The following PDZD2 variants were observed in gnomAD, a reference collection of about 807,000 sequenced individuals.
The protein encoded by PDZD2 is PDZ domain-containing protein 2.
In PDZD2, 90 loss-of-function variants were observed where a neutral mutation model predicts 220.7. The ratio of observed to expected loss-of-function variants is 0.41; its 90% CI spans 0.34 to 0.49. The LOEUF (loss-of-function observed/expected upper bound fraction) is 0.49. Among genes scored for constraint, PDZD2 ranks in the 20% least tolerant of loss-of-function variants. The pLI is 0.28. For synonymous variants in PDZD2, 1,375 were observed against 1,450.5 expected (o/e 0.95, Z 1.18); for missense variants, 3,174 against 3,608.5 (o/e 0.88, Z 3.08).
rs186790475 is a variant in PDZD2, at chr5:32,040,782, G to A, written c.1519+3440G>A. The stretch of plus-strand genomic sequence containing the variant: ...AAGTGAGGAGTGCCTCTGCCCGGCC[G>A]CCACCCCGTCTGGGAAGTGGGGAGC... On this transcript the variant is annotated intron_variant, in intron 7 of 24. Transcript: ENST00000438447. Among the ~76,000 whole-genome samples the A allele has an allele frequency of 4.4e-3, 622 of 142,204 alleles. 4 individuals carry two copies. The highest frequency in any genetic ancestry group is 0.014 in the Middle Eastern group (3 of 208). The allele number at this position is 142,204 out of a possible 152,430, so 93.3% of individuals were successfully genotyped here. A position where few individuals can be genotyped will look rare whatever the true frequency, so the allele number is the denominator to read the frequency against.
At chr5:31,775,445 C>G (rs1249375820) in intron 1 of PDZD2, among the ~76,000 whole-genome samples, 1 of 152,096 alleles carries the variant, frequency 6.6e-6, no homozygotes, top group Non-Finnish European at 1.5e-5. Flanking sequence ...CTTTGCAGCT[C>G]CTTCTCCTTG....
At chr5:31,645,333 CTTT>C (rs1226259458) in intron 1 of PDZD2, among the ~76,000 whole-genome samples, 6 of 122,808 alleles carry the variant, frequency 4.9e-5, no homozygotes, top group African/African-American at 1.0e-4. Context: ...CTCTTGGTCT[CTTT>C]TTTTTTTTTT....
intron 7 of PDZD2, among the ~76,000 whole-genome samples, chr5:32,042,426 A>G (rs535595916): frequency 6.7e-6 from 1 of 149,622 alleles, no homozygotes; most frequent in African/African-American, 2.5e-5. Context: ...AAAAAAAATT[A>G]GTTGGGTGTG....
chr5:31,665,772 TTA>T (rs1745966054), intron 1 of PDZD2, among the ~76,000 whole-genome samples: 1 of 152,160 alleles, frequency 6.6e-6, no homozygotes, highest in African/African-American at 2.4e-5. Context: ...GCTGTTCTCT[TTA>T]TAAATTGCCC....
At chr5:31,721,634 TA>T (rs1748803300) in intron 1 of PDZD2, among the ~76,000 whole-genome samples, 1 of 151,614 alleles carries the variant, frequency 6.6e-6, no homozygotes, top group Non-Finnish European at 1.5e-5. Flanking sequence ...GGGCTATCTT[TA>T]AAAAAGTAAC....
At chr5:31,897,553 T>C (rs1361505327) in intron 2 of PDZD2, among the ~76,000 whole-genome samples, 1 of 152,154 alleles carries the variant, frequency 6.6e-6, no homozygotes, top group Non-Finnish European at 1.5e-5. Context: ...AATCTCTCTG[T>C]CCCCCAGCAT....
chr5:31,885,278 T>C (rs1030577870), intron 2 of PDZD2, among the ~76,000 whole-genome samples: 2 of 150,598 alleles, frequency 1.3e-5, no homozygotes, highest in African/African-American at 2.4e-5. Context: ...ATTTAGACAA[T>C]GTTAGAATTA....
chr5:32,092,993 C>T lies in PDZD2; in HGVS notation c.7814C>T (p.Thr2605Ile). 1 of 1,594,950 alleles carries T rather than the reference C, an allele frequency of 6.3e-7. No individual in the cohort carries two copies. Among genetic ancestry groups the T allele is most frequent in the Non-Finnish European group, 8.6e-7 (1 of 1,163,060 alleles). Residue 2605 changes from threonine to isoleucine, a missense_variant, in exon 21 of 25, where the codon ACT becomes ATT. This residue lies in a region of PDZD2 where 631 missense variants were observed against 789.9 expected (regional missense o/e 0.80). Transcript: ENST00000438447. Reference protein sequence around the residue: ...SSVGSKSTILTLIQEAKAQSE... With the variant: ...SSVGSKSTILILIQEAKAQSE... ...GTGGGATCGAAATCTACCATCCTAACTCTCATTCAGGAAGCGAAAGCACAA... is the reference window on the plus strand; with the variant it reads ...GTGGGATCGAAATCTACCATCCTAATTCTCATTCAGGAAGCGAAAGCACAA...
intron 1 of PDZD2, among the ~76,000 whole-genome samples, chr5:31,792,928 TC>T (rs1561463657): frequency 1.3e-5 from 2 of 151,836 alleles, no homozygotes; most frequent in African/African-American, 4.8e-5. Flanking sequence ...AGCCTCCACC[TC>T]CCCGGTTCAA....
chr5:31,871,986 T>C (rs980186743), intron 2 of PDZD2, among the ~76,000 whole-genome samples: 7 of 152,216 alleles, frequency 4.6e-5, no homozygotes, highest in South Asian at 2.1e-4. Flanking sequence ...CCACCATGCC[T>C]GGCTAAAAAA....
At chr5:32,077,122 A>C (rs184398100) in intron 18 of PDZD2, among the ~76,000 whole-genome samples, 2 of 152,288 alleles carry the variant, frequency 1.3e-5, no homozygotes, top group Non-Finnish European at 2.9e-5. Flanking sequence ...AGTCTTGGAT[A>C]TCTCTATGCA....
chr5:31,726,627 GT>G (rs1749158424), intron 1 of PDZD2, among the ~76,000 whole-genome samples: 1 of 152,184 alleles, frequency 6.6e-6, no homozygotes, highest in Non-Finnish European at 1.5e-5. Flanking sequence ...CCTGGACAAA[GT>G]TTTTGTACCC....
chr5:31,932,844 C>T (rs529301118), intron 2 of PDZD2, among the ~76,000 whole-genome samples: 244 of 151,974 alleles, frequency 1.6e-3, no homozygotes, highest in Admixed American at 2.2e-3. Flanking sequence ...GTGCCTCATA[C>T]GATTAAAATC....
At chr5:31,872,142 G>GGTGTGTGTGTGTGTGTGTGTGTGT (rs55806241) in intron 2 of PDZD2, among the ~76,000 whole-genome samples, 21 of 147,778 alleles carry the variant, frequency 1.4e-4, no homozygotes, top group South Asian at 4.5e-4. Context: ...TAAGGTGAGT[G>GGTGTGTGTGTGTGTGTGTGTGTGT]GTGTGTGTGT....
intron 2 of PDZD2, among the ~76,000 whole-genome samples, chr5:31,825,920 G>A (rs975682864): frequency 1.4e-5 from 2 of 140,022 alleles, no homozygotes; most frequent in African/African-American, 5.6e-5. Flanking sequence ...CTATTAACAG[G>A]TGTCAAGCAA....
At chr5:31,757,851 C>G (rs987645275) in intron 1 of PDZD2, among the ~76,000 whole-genome samples, 1 of 152,350 alleles carries the variant, frequency 6.6e-6, no homozygotes, top group East Asian at 1.9e-4. Flanking sequence ...CTTCCCTCCC[C>G]GCAAAGCCAC....
At chr5:31,902,847 C>CAA (rs1464297266) in intron 2 of PDZD2, among the ~76,000 whole-genome samples, 1 of 151,050 alleles carries the variant, frequency 6.6e-6, no homozygotes, top group South Asian at 2.1e-4. Context: ...GCCTGGATGA[C>CAA]AGTGAGACTC....
chr5:31,928,000 C>G (rs1744945858), intron 2 of PDZD2, among the ~76,000 whole-genome samples: 1 of 152,102 alleles, frequency 6.6e-6, no homozygotes, highest in South Asian at 2.1e-4. Flanking sequence ...TATGCCTACC[C>G]TCACTGAGAA....
At chr5:31,788,660 T>C (rs904829926) in intron 1 of PDZD2, among the ~76,000 whole-genome samples, 8 of 92,364 alleles carry the variant, frequency 8.7e-5, no homozygotes, top group Non-Finnish European at 1.9e-4. Flanking sequence ...AGTGAGACTC[T>C]GTCTCAAAAT....
Sources: allele counts gnomAD v4.1 joint callset (sites outside exome capture counted in the v4.1 genomes callset), GRCh38; gene constraint gnomAD v4.1.1; regional missense constraint gnomAD v4.1.1; transcripts MANE v1.5; gene names NCBI Gene and HGNC (gene_info 2026-07-23, HGNC 2026-07-21).